HGD: variants seen among roughly 807,000 people sequenced by gnomAD.
HGD encodes the protein homogentisate 1,2-dioxygenase.
A neutral mutation model predicts 60.8 loss-of-function variants in HGD; 61 were observed. The observed-to-expected ratio is 1.00, with a 90% CI of 0.82 to 1.24. The LOEUF (loss-of-function observed/expected upper bound fraction) is 1.24. HGD is among the 50% of genes most tolerant of loss of function. HGD has a pLI of 0.00. For synonymous variants in HGD, 212 were observed against 187.7 expected (o/e 1.13, Z -1.06); for missense variants, 542 against 547.1 (o/e 0.99, Z 0.09).
In HGD at chr3:120,638,441, A is replaced by T; in HGVS notation, c.1006+14T>A. On this transcript the variant is annotated intron_variant, in intron 12 of 13. Coordinates refer to ENST00000283871, the MANE Select transcript of HGD (RefSeq NM_000187.4). ...TTTGGCTTGCAAATGTGGCTTGGTA[A>T]AAGAGAGACTTACTATGGTAATAAG... The T allele has an allele frequency of 6.2e-7, 1 of 1,613,698 alleles. No homozygotes were observed. Among genetic ancestry groups the T allele is most frequent in the Non-Finnish European group, 8.5e-7 (1 of 1,179,774 alleles).
At chr3:120,675,466 G>A (rs934366157) in intron 2 of HGD, among the ~76,000 whole-genome samples, 1 of 152,014 alleles carries the variant, frequency 6.6e-6, no homozygotes, top group African/African-American at 2.4e-5. Context: ...ACATGTGAAA[G>A]CACCTTGTTA....
At chr3:120,652,115 T>C (rs1941359603) in intron 5 of HGD, among the ~76,000 whole-genome samples, 1 of 152,214 alleles carries the variant, frequency 6.6e-6, no homozygotes, top group South Asian at 2.1e-4. Context: ...TTTCCATAGA[T>C]ATTATGATTT....
chr3:120,661,162 A>G (rs1707759070), intron 4 of HGD, among the ~76,000 whole-genome samples: 1 of 152,066 alleles, frequency 6.6e-6, no homozygotes, highest in Non-Finnish European at 1.5e-5. Flanking sequence ...GAGCCCTTTG[A>G]TCTTAGCCTG....
chr3:120,635,250 G>C (rs1576286327), intron 12 of HGD, among the ~76,000 whole-genome samples: 1 of 152,070 alleles, frequency 6.6e-6, no homozygotes, highest in Non-Finnish European at 1.5e-5. Flanking sequence ...GGCCGAGGCG[G>C]GTGGATCACG....
chr3:120,672,978 G>A (rs1470996698), intron 3 of HGD, among the ~76,000 whole-genome samples: 1 of 152,172 alleles, frequency 6.6e-6, no homozygotes, highest in Non-Finnish European at 1.5e-5. Flanking sequence ...AGGTACGTAG[G>A]TAGGTAGATA....
At chr3:120,644,966 G>T (rs1366701227) in intron 9 of HGD, among the ~76,000 whole-genome samples, 1 of 152,182 alleles carries the variant, frequency 6.6e-6, no homozygotes, top group East Asian at 1.9e-4. Flanking sequence ...TCAGGAAGAA[G>T]TATTTAGGAC....
chr3:120,641,575 G>C lies in HGD; in HGVS notation c.879+14C>G. 1 of 1,569,710 alleles carries C rather than the reference G, an allele frequency of 6.4e-7. No homozygotes were observed. The highest frequency in any genetic ancestry group is 8.8e-7 in the Non-Finnish European group (1 of 1,139,576). ...GTTGCCTCATCCCAAGGCCCCTACA[G>C]GGTTCAGACTTACTGCATGGTCAAA... On this transcript the variant is annotated intron_variant, in intron 11 of 13. Coordinates refer to ENST00000283871, the MANE Select transcript of HGD (RefSeq NM_000187.4).
intron 4 of HGD, among the ~76,000 whole-genome samples, chr3:120,656,088 C>G (rs1055485653): frequency 3.9e-5 from 6 of 152,094 alleles, no homozygotes; most frequent in Non-Finnish European, 8.8e-5. Context: ...GGATTGATGG[C>G]CTTATAAGAA....
intron 12 of HGD, among the ~76,000 whole-genome samples, chr3:120,634,746 G>A (rs1001199827): frequency 6.6e-6 from 1 of 152,098 alleles, no homozygotes; most frequent in African/African-American, 2.4e-5. Context: ...TTGCTTACAT[G>A]TGAAGTATAA....
chr3:120,654,758 T>A (rs1174811479), intron 4 of HGD, among the ~76,000 whole-genome samples: 1 of 152,216 alleles, frequency 6.6e-6, no homozygotes, highest in African/African-American at 2.4e-5. Flanking sequence ...AATATCTTTG[T>A]ACATCTGCCT....
intron 4 of HGD, among the ~76,000 whole-genome samples, chr3:120,668,799 C>G (rs1407926756): frequency 1.3e-5 from 2 of 152,140 alleles, no homozygotes; most frequent in African/African-American, 4.8e-5. Flanking sequence ...TAAGACACAG[C>G]TAGTAAGTAG....
intron 12 of HGD, among the ~76,000 whole-genome samples, chr3:120,636,859 A>G (rs1424090960): frequency 6.6e-6 from 1 of 152,180 alleles, no homozygotes; most frequent in Non-Finnish European, 1.5e-5. Context: ...ACACCTGGGA[A>G]CTGGTATATA....
chr3:120,653,776 A>T (rs1941412745), intron 4 of HGD, among the ~76,000 whole-genome samples: 1 of 152,138 alleles, frequency 6.6e-6, no homozygotes, highest in African/African-American at 2.4e-5. Context: ...TAATAGGGGG[A>T]CCTGAGGGCA....
chr3:120,636,434 T>C (rs1940783852), intron 12 of HGD, among the ~76,000 whole-genome samples: 1 of 152,144 alleles, frequency 6.6e-6, no homozygotes, highest in Non-Finnish European at 1.5e-5. Flanking sequence ...CTGTGACACA[T>C]GGTAAAATGT....
chr3:120,640,906 AG>A (rs1387700160), intron 11 of HGD, among the ~76,000 whole-genome samples: 2 of 152,130 alleles, frequency 1.3e-5, no homozygotes, highest in Non-Finnish European at 2.9e-5. Flanking sequence ...CTTGTGGGTT[AG>A]GTTCATCTCT....
intron 6 of HGD, among the ~76,000 whole-genome samples, chr3:120,649,015 C>G (rs1023006297): frequency 6.6e-6 from 1 of 152,026 alleles, no homozygotes; most frequent in Non-Finnish European, 1.5e-5. Context: ...CTGTTAAGTC[C>G]TCCTGAGCCC....
intron 8 of HGD, 44 bp from the exon 9 acceptor site, chr3:120,646,410 C>T (rs530884472): frequency 1.9e-5 from 24 of 1,283,348 alleles, no homozygotes; most frequent in Admixed American, 1.5e-4. Flanking sequence ...GAAATCACAG[C>T]TGTAGTTATA....
chr3:120,634,635 T>G (rs552542383), intron 12 of HGD, among the ~76,000 whole-genome samples: 1 of 152,332 alleles, frequency 6.6e-6, no homozygotes, highest in East Asian at 1.9e-4. Flanking sequence ...TAGTCTGTCC[T>G]GTGAGAGTAC....
At chr3:120,636,589 C>G (rs937909341) in intron 12 of HGD, among the ~76,000 whole-genome samples, 2 of 152,162 alleles carry the variant, frequency 1.3e-5, no homozygotes, top group Non-Finnish European at 2.9e-5. Context: ...TCACTAACTT[C>G]CAGGAGGAGA....
Sources: allele counts gnomAD v4.1 joint callset (sites outside exome capture counted in the v4.1 genomes callset), GRCh38; gene constraint gnomAD v4.1.1; transcripts MANE v1.5; gene names NCBI Gene and HGNC (gene_info 2026-07-23, HGNC 2026-07-21).